Variants in LHFPL3 observed in about 807,000 individuals in gnomAD.
LHFPL3 encodes LHFPL tetraspan subfamily member 3 protein.
LHFPL3 carries 5 observed loss-of-function variants against 19.3 expected under a neutral mutation model. The observed-to-expected ratio is 0.26, with a 90% confidence interval of 0.14 to 0.54. The LOEUF (loss-of-function observed/expected upper bound fraction) is 0.54, where lower values mean the gene tolerates loss of function less well. Ranked by LOEUF, LHFPL3 falls within the 20% of genes least tolerant of loss-of-function variation. The pLI, the probability that LHFPL3 is intolerant of heterozygous loss-of-function variation, is 0.94. For missense variants in LHFPL3, 249 were observed against 307.4 expected (o/e 0.81, Z 1.42); for synonymous variants, 133 against 126.2 (o/e 1.05, Z -0.36).
intron 2 of LHFPL3, among the ~76,000 whole-genome samples, chr7:104,846,474 A>C (rs1305851172): frequency 6.6e-6 from 1 of 152,162 alleles, no homozygotes; most frequent in East Asian, 1.9e-4. Flanking sequence ...TTGAGACCCA[A>C]CCCATCGTTT....
intron 1 of LHFPL3, among the ~76,000 whole-genome samples, chr7:104,567,940 T>A (rs552113283): frequency 1.3e-5 from 2 of 152,160 alleles, no homozygotes; most frequent in Non-Finnish European, 2.9e-5. Context: ...TCTACTGCTC[T>A]CTCAGTCAAG....
chr7:104,518,965 C>G (rs1430629623), intron 1 of LHFPL3, among the ~76,000 whole-genome samples: 2 of 151,872 alleles, frequency 1.3e-5, no homozygotes, highest in African/African-American at 4.8e-5. Context: ...CATATTTTTT[C>G]AAAAAGTATT....
At chr7:104,648,765 A>G (rs577571354) in intron 1 of LHFPL3, among the ~76,000 whole-genome samples, 3 of 152,346 alleles carry the variant, frequency 2.0e-5, no homozygotes, top group East Asian at 1.9e-4. Flanking sequence ...TGCTAGTCCT[A>G]TCTGGAAAAC....
chr7:104,612,663 A>G (rs1282492099), intron 1 of LHFPL3, among the ~76,000 whole-genome samples: 1 of 152,220 alleles, frequency 6.6e-6, no homozygotes, highest in Non-Finnish European at 1.5e-5. Flanking sequence ...CTCTGAAGAC[A>G]CCGGTGCTGA....
intron 2 of LHFPL3, among the ~76,000 whole-genome samples, chr7:104,818,906 C>T (rs954050469): frequency 6.6e-6 from 1 of 151,912 alleles, no homozygotes; most frequent in African/African-American, 2.4e-5. Context: ...CTTTTTTAAT[C>T]TCTGGTAGTG....
At chr7:104,491,216 C>T (rs992086715) in intron 1 of LHFPL3, among the ~76,000 whole-genome samples, 1 of 152,100 alleles carries the variant, frequency 6.6e-6, no homozygotes, top group Non-Finnish European at 1.5e-5. Flanking sequence ...CATCAGCAAT[C>T]AGATGACCAG....
intron 1 of LHFPL3, among the ~76,000 whole-genome samples, chr7:104,599,208 A>T (rs1317408024): frequency 6.6e-6 from 1 of 152,228 alleles, no homozygotes; most frequent in Non-Finnish European, 1.5e-5. Flanking sequence ...AATGAGGGTT[A>T]TTCCTATAGA....
chr7:104,769,618 A>AC (rs1220178079), intron 2 of LHFPL3, among the ~76,000 whole-genome samples: 50 of 148,182 alleles, frequency 3.4e-4, no homozygotes, highest in East Asian at 4.0e-4. Flanking sequence ...AGCCCCCCCA[A>AC]CCCCCGACAG....
At chr7:104,563,437 C>G (rs1790056385) in intron 1 of LHFPL3, among the ~76,000 whole-genome samples, 1 of 152,308 alleles carries the variant, frequency 6.6e-6, no homozygotes, top group Non-Finnish European at 1.5e-5. Context: ...TGGGAGTGAC[C>G]CGATTTTCCA....
chr7:104,415,271 T>A (rs1385089452), intron 1 of LHFPL3, among the ~76,000 whole-genome samples: 1 of 152,222 alleles, frequency 6.6e-6, no homozygotes, highest in African/African-American at 2.4e-5. Context: ...AGGCACAGTT[T>A]CTGACTTGAG....
intron 1 of LHFPL3, among the ~76,000 whole-genome samples, chr7:104,482,778 C>T (rs1001329872): frequency 2.0e-5 from 3 of 152,220 alleles, no homozygotes; most frequent in African/African-American, 7.2e-5. Context: ...CATATGCCAC[C>T]TTTTCCCACT....
chr7:104,475,118 G>T (rs111303676), intron 1 of LHFPL3, among the ~76,000 whole-genome samples: 1,647 of 152,264 alleles, frequency 0.011, 30 homozygotes, highest in African/African-American at 0.035. Flanking sequence ...TTAAAACACC[G>T]CTTGTAAGCT....
intron 1 of LHFPL3, 119 bp from the exon 2 acceptor site, chr7:104,736,556 T>G (rs1793826270): frequency 1.4e-6 from 1 of 710,468 alleles, no homozygotes; most frequent in Non-Finnish European, 2.4e-6. Context: ...AGATTTGCTG[T>G]TTTTTAAATC....
intron 2 of LHFPL3, among the ~76,000 whole-genome samples, chr7:104,778,091 C>T (rs1794661177): frequency 6.6e-6 from 1 of 152,208 alleles, no homozygotes; most frequent in Non-Finnish European, 1.5e-5. Context: ...GAAGTAGACC[C>T]AGGTCCTAAA....
At chr7:104,850,822 A>C (rs1162932899) in intron 2 of LHFPL3, among the ~76,000 whole-genome samples, 3 of 147,674 alleles carry the variant, frequency 2.0e-5, no homozygotes, top group South Asian at 2.1e-4. Context: ...CCACTGCTCC[A>C]AACACTGATT....
intron 1 of LHFPL3, among the ~76,000 whole-genome samples, chr7:104,496,694 T>C (rs1053789042): frequency 2.0e-5 from 3 of 152,206 alleles, no homozygotes; most frequent in Non-Finnish European, 4.4e-5. Context: ...TAAACAAAGC[T>C]GCGCTGGTTC....
intron 1 of LHFPL3, among the ~76,000 whole-genome samples, chr7:104,394,608 T>C (rs928531410): frequency 3.3e-5 from 5 of 152,282 alleles, no homozygotes; most frequent in Admixed American, 2.0e-4. Context: ...TGTAAATATA[T>C]ACACATCATT....
intron 1 of LHFPL3, among the ~76,000 whole-genome samples, chr7:104,402,471 A>G (rs1791332397): frequency 6.6e-6 from 1 of 152,220 alleles, no homozygotes; most frequent in African/African-American, 2.4e-5. Flanking sequence ...CTAATTTGGG[A>G]TAAATATTAG....
chr7:104,435,505 A>AT (rs1453714000), intron 1 of LHFPL3, among the ~76,000 whole-genome samples: 1 of 149,994 alleles, frequency 6.7e-6, no homozygotes, highest in Non-Finnish European at 1.5e-5. Context: ...TTATAAAAAT[A>AT]TTTTTTATAA....
Sources: gnomAD v4.1 joint callset for allele counts (sites outside exome capture counted in the v4.1 genomes callset) on GRCh38, gnomAD v4.1.1 for gene constraint, MANE v1.5 for transcripts, NCBI Gene and HGNC (gene_info 2026-07-23, HGNC 2026-07-21) for gene names.